METTL15: variants seen among roughly 807,000 people sequenced by gnomAD.
METTL15 encodes methyltransferase 15, mitochondrial 12S rRNA N4-cytidine.
In METTL15, 34 loss-of-function variants were observed where a neutral mutation model predicts 38.3. That is an observed-to-expected ratio of 0.89 (90% CI 0.68 to 1.18). The LOEUF (loss-of-function observed/expected upper bound fraction) is 1.18, where lower values mean the gene tolerates loss of function less well. Ranked by LOEUF, METTL15 falls within the 50% of genes most tolerant of loss-of-function variation. METTL15 has a pLI of 0.00. For missense variants in METTL15, 438 were observed against 498.4 expected (o/e 0.88, Z 1.15); for synonymous variants, 162 against 170.9 (o/e 0.95, Z 0.41).
chr11:28,524,181 G>T (rs1851790191), intron 6 of METTL15, among the ~76,000 whole-genome samples: 1 of 152,176 alleles, frequency 6.6e-6, no homozygotes, highest in African/African-American at 2.4e-5. Context: ...GACAGTCAGA[G>T]AATACCAAAA....
intron 4 of METTL15, among the ~76,000 whole-genome samples, chr11:28,250,238 C>A (rs1209202521): frequency 6.6e-6 from 1 of 151,882 alleles, no homozygotes; most frequent in East Asian, 1.9e-4. Flanking sequence ...GGTATATACC[C>A]AATAATGAGA....
At chr11:28,279,914 C>CAAAAAAA (rs57284585) in intron 4 of METTL15, among the ~76,000 whole-genome samples, 2 of 81,662 alleles carry the variant, frequency 2.4e-5, no homozygotes, top group Admixed American at 1.2e-4. Context: ...CAAAACAAAA[C>CAAAAAAA]AAAAAAAAAA....
chr11:28,333,894 A>T (rs1003389521), downstream of METTL15, among the ~76,000 whole-genome samples: 1 of 151,818 alleles, frequency 6.6e-6, no homozygotes, highest in Non-Finnish European at 1.5e-5. Flanking sequence ...TTTGAAAATC[A>T]TATTTTCTTA....
At chr11:28,165,983 T>C (rs1012198824) in intron 3 of METTL15, among the ~76,000 whole-genome samples, 3 of 152,296 alleles carry the variant, frequency 2.0e-5, no homozygotes, top group South Asian at 2.1e-4. Flanking sequence ...TTCTATTCTT[T>C]TCCATTGGTT....
At chr11:28,162,294 G>C (rs1259493009) in intron 3 of METTL15, among the ~76,000 whole-genome samples, 2 of 152,090 alleles carry the variant, frequency 1.3e-5, no homozygotes, top group Non-Finnish European at 2.9e-5. Context: ...TTAGGTAAAA[G>C]AATAAATTAG....
intron 3 of METTL15, among the ~76,000 whole-genome samples, chr11:28,172,983 CA>C (rs1407387921): frequency 6.6e-6 from 1 of 151,922 alleles, no homozygotes; most frequent in East Asian, 1.9e-4. Flanking sequence ...CAACTGATTT[CA>C]ATATGAAGAA....
chr11:28,481,708 C>T lies in METTL15; in HGVS notation c.*425-44770C>T, dbSNP rs761838608. Among the ~76,000 whole-genome samples the T allele has an allele frequency of 6.6e-5, 10 of 152,204 alleles. No homozygotes were observed. The South Asian group carries it at 1.2e-3, about 19-fold the overall frequency. On this transcript the variant is annotated intron_variant and NMD_transcript_variant, in intron 6 of 7. Transcript: ENST00000532947. Reference sequence around the variant, plus strand: ...ACAGTGGAGGGAGTTTCTTCAAAGCCGCAGCTCAGGCTGCTCAGCGCTGCC... The same window carrying T: ...ACAGTGGAGGGAGTTTCTTCAAAGCTGCAGCTCAGGCTGCTCAGCGCTGCC...
chr11:28,115,965 C>CACAA (rs1381791123), intron 3 of METTL15, among the ~76,000 whole-genome samples: 4 of 150,988 alleles, frequency 2.6e-5, no homozygotes, highest in Non-Finnish European at 4.4e-5. Flanking sequence ...CACACACACA[C>CACAA]AACCCTACCG....
At chr11:28,391,058 G>T (rs1276996476) in intron 5 of METTL15, among the ~76,000 whole-genome samples, 1 of 152,130 alleles carries the variant, frequency 6.6e-6, no homozygotes, top group Non-Finnish European at 1.5e-5. Context: ...AAGAATGCTT[G>T]TGATTTTTGT....
At chr11:28,162,349 A>G (rs1447788772) in intron 3 of METTL15, among the ~76,000 whole-genome samples, 1 of 152,178 alleles carries the variant, frequency 6.6e-6, no homozygotes, top group Admixed American at 6.6e-5. Context: ...TATGGTAGGT[A>G]GTATCACAGG....
At chr11:28,308,945 C>G (rs1020403875) in intron 6 of METTL15, among the ~76,000 whole-genome samples, 6 of 139,520 alleles carry the variant, frequency 4.3e-5, no homozygotes, top group Non-Finnish European at 9.7e-5. Context: ...GGCAGGCAGG[C>G]ATGGATGGCA....
chr11:28,207,537 C>CTT (rs1345002747), intron 3 of METTL15, among the ~76,000 whole-genome samples: 6 of 151,844 alleles, frequency 4.0e-5, no homozygotes, highest in Non-Finnish European at 1.5e-5. Context: ...ATTTTTGCAT[C>CTT]AGGGTTCATC....
At chr11:28,437,515 A>G (rs1390988842) in intron 6 of METTL15, among the ~76,000 whole-genome samples, 1 of 152,212 alleles carries the variant, frequency 6.6e-6, no homozygotes, top group Non-Finnish European at 1.5e-5. Context: ...CACACCCTAT[A>G]CAGCACTCGT....
chr11:28,278,747 AG>A (rs1433331751), intron 4 of METTL15, among the ~76,000 whole-genome samples: 1 of 152,130 alleles, frequency 6.6e-6, no homozygotes, highest in East Asian at 1.9e-4. Flanking sequence ...TCTTTTGTAT[AG>A]GTAGTTGAAT....
chr11:28,194,650 T>C (rs1285672335), intron 3 of METTL15, among the ~76,000 whole-genome samples: 3 of 152,068 alleles, frequency 2.0e-5, no homozygotes, highest in Non-Finnish European at 4.4e-5. Flanking sequence ...AAATAAAAGA[T>C]TATTTTATTT....
chr11:28,372,402 C>G (rs561120427), intron 5 of METTL15, among the ~76,000 whole-genome samples: 1 of 147,254 alleles, frequency 6.8e-6, no homozygotes, highest in Non-Finnish European at 1.5e-5. Context: ...ATTTTTGTAT[C>G]GATGTTCATT....
chr11:28,283,989 A>C (rs1018651148), intron 4 of METTL15, among the ~76,000 whole-genome samples: 1 of 152,210 alleles, frequency 6.6e-6, no homozygotes, highest in African/African-American at 2.4e-5. Context: ...AAAAGTGGGC[A>C]TGTAATCTGC....
At chr11:28,384,901 G>A (rs1255649462) in intron 5 of METTL15, among the ~76,000 whole-genome samples, 2 of 152,034 alleles carry the variant, frequency 1.3e-5, no homozygotes, top group Non-Finnish European at 2.9e-5. Context: ...TGGTAATGTT[G>A]AGCTCTTTTT....
chr11:28,446,962 A>G (rs1028512700), intron 6 of METTL15, among the ~76,000 whole-genome samples: 4 of 152,148 alleles, frequency 2.6e-5, no homozygotes, highest in African/African-American at 7.2e-5. Context: ...TTAAAATGGG[A>G]TCAAATATCT....
Sources: allele counts gnomAD v4.1 joint callset (sites outside exome capture counted in the v4.1 genomes callset), GRCh38; gene constraint gnomAD v4.1.1; transcripts MANE v1.5; gene names NCBI Gene and HGNC (gene_info 2026-07-23, HGNC 2026-07-21).